Variants in LCLAT1 observed in about 807,000 individuals in gnomAD.
The protein encoded by LCLAT1 is lysocardiolipin acyltransferase 1.
LCLAT1 carries 11 observed loss-of-function variants against 30.7 expected under a neutral mutation model. The ratio of observed to expected loss-of-function variants is 0.36; its 90% CI spans 0.23 to 0.59. The LOEUF is 0.59. LCLAT1 is among the 20% of genes least tolerant of loss of function. The probability of loss-of-function intolerance (pLI) is 0.77; values close to 1 mark genes in which losing one functional copy is unlikely to be tolerated. For synonymous variants in LCLAT1, 155 were observed against 151.3 expected (o/e 1.02, Z -0.18); for missense variants, 402 against 458.6 (o/e 0.88, Z 1.13).
At chr2:30,589,127 C>T (rs920319989) in intron 5 of LCLAT1, among the ~76,000 whole-genome samples, 1 of 152,186 alleles carries the variant, frequency 6.6e-6, no homozygotes, top group South Asian at 2.1e-4. Context: ...TCCAGTTCAT[C>T]AGATATTAAA....
chr2:30,448,152 G>C (rs916732724), intron 1 of LCLAT1, among the ~76,000 whole-genome samples: 1 of 152,206 alleles, frequency 6.6e-6, no homozygotes, highest in Non-Finnish European at 1.5e-5. Context: ...TGTGTTTCTT[G>C]TGTACATGGC....
intron 1 of LCLAT1, among the ~76,000 whole-genome samples, chr2:30,516,622 A>C (rs1685198827): frequency 6.6e-6 from 1 of 152,122 alleles, no homozygotes; most frequent in Admixed American, 6.5e-5. Context: ...CAAGAACCCC[A>C]GGTCAGAGAG....
chr2:30,557,279 T>C (rs1023158530), intron 3 of LCLAT1, among the ~76,000 whole-genome samples: 1 of 140,998 alleles, frequency 7.1e-6, no homozygotes, highest in Non-Finnish European at 1.5e-5. Flanking sequence ...GTAGAAGGTA[T>C]GATCGTGTGT....
At chr2:30,637,518 AATAG>A in intron 5 of LCLAT1, among the ~76,000 whole-genome samples, 1 of 152,184 alleles carries the variant, frequency 6.6e-6, no homozygotes, top group African/African-American at 2.4e-5. Flanking sequence ...TCAAATGGTA[AATAG>A]ATCACCTCTT....
At chr2:30,452,887 G>C (rs1681629418) in intron 1 of LCLAT1, among the ~76,000 whole-genome samples, 1 of 151,986 alleles carries the variant, frequency 6.6e-6, no homozygotes, top group Admixed American at 6.6e-5. Context: ...TGTGGCAGTA[G>C]GGCCATAGGG....
chr2:30,606,048 C>G, intron 5 of LCLAT1: 1 of 1,297,860 alleles, frequency 7.7e-7, no homozygotes, highest in Non-Finnish European at 1.0e-6. Flanking sequence ...TAAAGGACCA[C>G]TTCAAGGAGA....
At chr2:30,529,798 G>A (rs1000151952) in intron 2 of LCLAT1, among the ~76,000 whole-genome samples, 4 of 152,220 alleles carry the variant, frequency 2.6e-5, no homozygotes, top group Non-Finnish European at 5.9e-5. Flanking sequence ...GGTGCTCAGT[G>A]TTTTGAAGAA....
intron 5 of LCLAT1, among the ~76,000 whole-genome samples, chr2:30,596,492 T>C (rs1196435291): frequency 6.6e-6 from 1 of 151,466 alleles, no homozygotes; most frequent in Non-Finnish European, 1.5e-5. Flanking sequence ...ATGGGGTTGT[T>C]TTTTTTTTCT....
intron 5 of LCLAT1, among the ~76,000 whole-genome samples, chr2:30,586,629 A>G (rs1383029034): frequency 1.1e-4 from 16 of 152,160 alleles, no homozygotes; most frequent in Non-Finnish European, 2.9e-5. Flanking sequence ...TCTTCAACAC[A>G]GTACGGTTGC....
At chr2:30,638,610 G>C (rs1324874167) in intron 5 of LCLAT1, among the ~76,000 whole-genome samples, 3 of 152,180 alleles carry the variant, frequency 2.0e-5, no homozygotes, top group Non-Finnish European at 4.4e-5. Context: ...GTGCCCTTGG[G>C]CAAAATTCCA....
chr2:30,494,092 G>A (rs1683977342), intron 1 of LCLAT1, among the ~76,000 whole-genome samples: 1 of 152,240 alleles, frequency 6.6e-6, no homozygotes, highest in East Asian at 1.9e-4. Context: ...TTATGATGGT[G>A]TGTGCCTGTT....
intron 1 of LCLAT1, among the ~76,000 whole-genome samples, chr2:30,479,063 G>T (rs1220812525): frequency 6.6e-6 from 1 of 152,116 alleles, no homozygotes; most frequent in Admixed American, 6.6e-5. Flanking sequence ...ACAGATGTCA[G>T]ACAGAATAGA....
At chr2:30,572,232 T>A (rs1054706836) in intron 5 of LCLAT1, among the ~76,000 whole-genome samples, 2 of 152,184 alleles carry the variant, frequency 1.3e-5, no homozygotes, top group African/African-American at 4.8e-5. Context: ...GGACAGATCT[T>A]CTTGTGTTTA....
chr2:30,528,449 T>C (rs940275620), intron 2 of LCLAT1, among the ~76,000 whole-genome samples: 1 of 152,218 alleles, frequency 6.6e-6, no homozygotes, highest in African/African-American at 2.4e-5. Context: ...AGAATGAATT[T>C]TTTTCTGCTT....
intron 3 of LCLAT1, 29 bp downstream of exon 3, chr2:30,533,343 G>T (rs376651749): frequency 1.5e-5 from 24 of 1,583,156 alleles, no homozygotes; most frequent in Non-Finnish European, 2.0e-5. Context: ...ATTTTAAGTG[G>T]TTCATTCATT....
chr2:30,539,042 C>A (rs373029874), intron 3 of LCLAT1, among the ~76,000 whole-genome samples: 4 of 151,718 alleles, frequency 2.6e-5, no homozygotes, highest in Non-Finnish European at 5.9e-5. Context: ...TCACTCCAAC[C>A]TCCACCTACC....
chr2:30,489,115 C>A (rs1261888825), intron 1 of LCLAT1: 2 of 152,148 alleles, frequency 1.3e-5, no homozygotes, highest in East Asian at 3.9e-4. Context: ...TACAGTGTGA[C>A]CCTGGCAAGT....
At chr2:30,537,118 AC>A (rs1686284845) in intron 3 of LCLAT1, among the ~76,000 whole-genome samples, 2 of 151,952 alleles carry the variant, frequency 1.3e-5, no homozygotes, top group South Asian at 4.2e-4. Flanking sequence ...GCGGTGGCTC[AC>A]GCCTGTAATC....
chr2:30,577,746 A>G (rs1374536489), intron 5 of LCLAT1, among the ~76,000 whole-genome samples: 1 of 152,116 alleles, frequency 6.6e-6, no homozygotes, highest in Non-Finnish European at 1.5e-5. Flanking sequence ...GGAAAAAATC[A>G]CTGTCTTTAC....
Sources: gnomAD v4.1 joint callset for allele counts (sites outside exome capture counted in the v4.1 genomes callset) on GRCh38, gnomAD v4.1.1 for gene constraint, MANE v1.5 for transcripts, NCBI Gene and HGNC (gene_info 2026-07-23, HGNC 2026-07-21) for gene names.